Variants in DGKZ observed in about 807,000 individuals in gnomAD.
DGKZ encodes diacylglycerol kinase zeta, also known as DAG kinase zeta.
Under a neutral mutation model 142.5 loss-of-function variants are expected in DGKZ, and 45 were observed. The observed-to-expected ratio is 0.32, with a 90% confidence interval of 0.25 to 0.40. The LOEUF is 0.40. Among genes scored for constraint, DGKZ ranks in the 10% least tolerant of loss-of-function variants. DGKZ has a pLI of 1.00. For missense variants in DGKZ, 755 were observed against 1,306.5 expected (o/e 0.58, Z 6.51); for synonymous variants, 442 against 527.0 (o/e 0.84, Z 2.21).
At position 46,372,568 on chromosome 11, in the gene DGKZ, G is replaced by T; in HGVS notation, c.1011-49G>T. ...GGGGGGGAACTTGCCTCACTCCTGGGGTACAGCACACATCCCCTGACCCCA... is the reference window on the plus strand; with the variant it reads ...GGGGGGGAACTTGCCTCACTCCTGGTGTACAGCACACATCCCCTGACCCCA... On this transcript the variant is annotated intron_variant, in intron 11 of 30. Transcript: ENST00000527911. This position sits in a 1 kb window ranked among gnomAD's most constrained non-coding sequence, Gnocchi z 5.9. 6.2e-7 allele frequency: 1 copy of T among 1,613,818 alleles called. No individual in the cohort carries two copies. The highest frequency in any genetic ancestry group is 8.5e-7 in the Non-Finnish European group (1 of 1,179,950).
chr11:46,372,451 C>T lies in DGKZ; in HGVS notation c.951C>T (p.Phe317=). The change falls in exon 11 of 31, where the codon TTC becomes TTT. Residue 317 remains phenylalanine (F), a synonymous_variant. Coordinates refer to ENST00000527911, the Ensembl canonical transcript of DGKZ. This position sits in a 1 kb window ranked among gnomAD's most constrained non-coding sequence, Gnocchi z 5.9. ...AGGGTGCAAAGATCATCCAGTCTTT[C>T]CTCTGGTATCTCAATCCCCGACAAG... is the stretch of plus-strand genomic sequence containing the variant. 1 of 1,614,034 alleles carries T rather than the reference C, an allele frequency of 6.2e-7. No individual in the cohort carries two copies. The highest frequency in any genetic ancestry group is 8.5e-7 in the Non-Finnish European group (1 of 1,179,998).
intron 5 of DGKZ, 41 bp from the exon 6 acceptor site, chr11:46,369,900 C>T: frequency 6.2e-7 from 1 of 1,608,330 alleles, no homozygotes; most frequent in Non-Finnish European, 8.5e-7. Context: ...TGTGCCCCTG[C>T]CCACCCCTCA....
In DGKZ at chr11:46,379,581, C is replaced by A; in HGVS notation, c.2688+13C>A. 1 of 1,597,168 alleles carries A rather than the reference C, an allele frequency of 6.3e-7. No individual in the cohort carries two copies. Among genetic ancestry groups the A allele is most frequent in the African/African-American group, 1.3e-5 (1 of 74,714 alleles). ...GACAGACCAGCAGGTGAGCAGACGG[C>A]AGGCAGGGAGCCCACGAGGGCACCA... On this transcript the variant is annotated intron_variant, in intron 30 of 30. Coordinates refer to ENST00000527911, the Ensembl canonical transcript of DGKZ.
At chr11:46,377,683 C>T (rs542692209) in intron 25 of DGKZ, 2 of 221,476 alleles carry the variant, frequency 9.0e-6, no homozygotes, top group Non-Finnish European at 1.8e-5. Context: ...CCAGGCCCCC[C>T]GTCATTGCAC....
chr11:46,355,551 C>T (rs1170559275), intron 1 of DGKZ, among the ~76,000 whole-genome samples: 1 of 152,180 alleles, frequency 6.6e-6, no homozygotes, highest in Admixed American at 6.5e-5. Context: ...GAGGCTGAGG[C>T]AGGTTAAAAG....
At chr11:46,354,185 C>T (rs1941735762) in intron 1 of DGKZ, among the ~76,000 whole-genome samples, 1 of 152,146 alleles carries the variant, frequency 6.6e-6, no homozygotes, top group Non-Finnish European at 1.5e-5. Flanking sequence ...GGCTGGTCTC[C>T]CTCAAGGGGT....
At chr11:46,368,373 A>G (rs1430964500) in intron 4 of DGKZ, 1 of 435,208 alleles carries the variant, frequency 2.3e-6, no homozygotes, top group African/African-American at 2.0e-5. Context: ...CCATGTCCAA[A>G]CTAGTGCTTA....
At chr11:46,370,390 G>C (rs1247008106) in intron 6 of DGKZ, among the ~76,000 whole-genome samples, 1 of 152,208 alleles carries the variant, frequency 6.6e-6, no homozygotes, top group African/African-American at 2.4e-5. Context: ...CTTTCCAGGC[G>C]ACCGCCTAAC....
intron 29 of DGKZ, 44 bp from the exon 30 acceptor site, chr11:46,379,425 T>C: frequency 6.3e-7 from 1 of 1,592,338 alleles, no homozygotes; most frequent in Non-Finnish European, 8.6e-7. Context: ...GATGGGTGGA[T>C]CAGGGGACGG....
chr11:46,378,859 C>G (rs1944871924), intron 27 of DGKZ, 132 bp from the exon 28 acceptor site: 1 of 1,397,466 alleles, frequency 7.2e-7, no homozygotes, highest in Non-Finnish European at 9.5e-7. Flanking sequence ...ACAGAGGCAA[C>G]TCAGGAGTAA....
At chr11:46,335,447 A>G (rs760067120) in intron 1 of DGKZ, among the ~76,000 whole-genome samples, 12 of 152,156 alleles carry the variant, frequency 7.9e-5, no homozygotes, top group Non-Finnish European at 1.6e-4. Flanking sequence ...ACACACACAC[A>G]CACACACGCA....
intron 4 of DGKZ, 180 bp downstream of exon 4, chr11:46,368,259 A>G (rs564461267): frequency 1.4e-5 from 10 of 706,156 alleles, no homozygotes; most frequent in Admixed American, 8.1e-5. Context: ...CTCACTGATT[A>G]GCTGCTGTAT....
At chr11:46,365,100 G>A (rs1270900088) in intron 1 of DGKZ, 2 of 985,324 alleles carry the variant, frequency 2.0e-6, no homozygotes, top group African/African-American at 3.5e-5. Context: ...GCAGGGCTGA[G>A]GTGAGCTGGC....
chr11:46,367,309 G>T lies in DGKZ; in HGVS notation c.180G>T (p.Ser60=), dbSNP rs141368349. 1.7e-4 allele frequency: 274 copies of T among 1,612,260 alleles called. 1 individual carries two copies. The African/African-American group carries it at 3.2e-3, about 19-fold the overall frequency. ...TCTCTAGGAAAGCCATCACCAAGTC[G>T]GGCCTCCAGCACCTGGCCCCCCCTC... is the stretch of plus-strand genomic sequence containing the variant. Residue 60 remains serine (S), a synonymous_variant, in exon 2 of 31, where the codon TCG becomes TCT. Transcript: ENST00000527911. The surrounding 1 kb of genome is among the most constrained non-coding windows in gnomAD (Gnocchi z 4.1).
At chr11:46,369,885 A>G in intron 5 of DGKZ, 56 bp from the exon 6 acceptor site, 1 of 1,588,612 alleles carries the variant, frequency 6.3e-7, no homozygotes, top group South Asian at 1.1e-5. Context: ...GGCAGTCCTC[A>G]GGACTGTGCC....
intron 1 of DGKZ, among the ~76,000 whole-genome samples, chr11:46,337,164 T>C (rs1940055195): frequency 6.6e-6 from 1 of 151,330 alleles, no homozygotes; most frequent in Admixed American, 6.6e-5. Context: ...AAAGCCAGAG[T>C]GGGGCAAGGG....
chr11:46,357,357 A>G (rs2136427633), intron 1 of DGKZ, among the ~76,000 whole-genome samples: 1 of 152,254 alleles, frequency 6.6e-6, no homozygotes, highest in East Asian at 1.9e-4. Context: ...AGCGGGCGAT[A>G]GCATCCAGCC....
intron 26 of DGKZ, 81 bp from the exon 27 acceptor site, chr11:46,378,376 G>A (rs1048795868): frequency 1.3e-6 from 2 of 1,547,504 alleles, no homozygotes; most frequent in Admixed American, 1.9e-5. Flanking sequence ...CACATGCCTG[G>A]CCGGCACAGT....
chr11:46,347,565 G>T lies in DGKZ; in HGVS notation c.-95G>T. ...GGCGGAGCGAGCGCGCGCCATGGAG[G>T]TGGCGGGCGGCGCGGAGCGGGCGTG... On this transcript the variant is annotated 5_prime_UTR_variant, in exon 1 of 31. Transcript: ENST00000527911. The surrounding 1 kb of genome is among the most constrained non-coding windows in gnomAD (Gnocchi z 6.4). The T allele has an allele frequency of 9.5e-7, 1 of 1,049,722 alleles. No homozygotes were observed. The highest frequency in any genetic ancestry group is 1.1e-6 in the Non-Finnish European group (1 of 872,620). 65.0% of individuals were successfully genotyped at this position (1,049,722 alleles called of 1,614,324 possible). A position where few individuals can be genotyped will look rare whatever the true frequency, so the allele number is the denominator to read the frequency against.
Sources: gnomAD v4.1 joint callset for allele counts (sites outside exome capture counted in the v4.1 genomes callset) on GRCh38, gnomAD v4.1.1 for gene constraint, Gnocchi (gnomAD v3.1) non-coding constraint, MANE v1.5 for transcripts, NCBI Gene and HGNC (gene_info 2026-07-23, HGNC 2026-07-21) for gene names.